FGF14: variants seen among roughly 807,000 people sequenced by gnomAD.
FGF14 encodes the protein fibroblast growth factor homologous factor 4.
A neutral mutation model predicts 25.5 loss-of-function variants in FGF14; 5 were observed. That is an observed-to-expected ratio of 0.20 (90% confidence interval 0.10 to 0.41). The LOEUF is 0.41. Among genes scored for constraint, FGF14 ranks in the 10% least tolerant of loss-of-function variants. The probability of loss-of-function intolerance (pLI) is 1.00; values close to 1 mark genes in which losing one functional copy is unlikely to be tolerated. For missense variants in FGF14, 222 were observed against 320.1 expected (o/e 0.69, Z 2.34); for synonymous variants, 138 against 118.3 (o/e 1.17, Z -1.08).
chr13:101,831,650 T>C (rs1423556072), intron 3 of FGF14, among the ~76,000 whole-genome samples: 1 of 152,130 alleles, frequency 6.6e-6, no homozygotes, highest in Non-Finnish European at 1.5e-5. Context: ...GAATTCATTA[T>C]TCACTCATTT....
chr13:102,394,929 C>G (rs970782223), intron 1 of FGF14: 11 of 152,548 alleles, frequency 7.2e-5, no homozygotes, highest in African/African-American at 2.4e-4. Flanking sequence ...GGGGCCTGGG[C>G]CCAGAGCCGT....
intron 3 of FGF14, among the ~76,000 whole-genome samples, chr13:101,779,645 C>T (rs1360271506): frequency 6.6e-6 from 1 of 152,138 alleles, no homozygotes; most frequent in African/African-American, 2.4e-5. Context: ...CATTTGCATA[C>T]ATCTAATCTG....
At chr13:102,300,695 C>A (rs923320956) in intron 1 of FGF14, among the ~76,000 whole-genome samples, 5 of 152,038 alleles carry the variant, frequency 3.3e-5, no homozygotes, top group Non-Finnish European at 7.4e-5. Flanking sequence ...TACCCATTAC[C>A]CAGTACCATA....
chr13:101,721,394 TAAATG>T lies in FGF14; in HGVS notation c.*1432_*1436del, dbSNP rs1245847495. ...ATTAAGAATGCAAAATAAAAGAAAATAAATGGAATGGACCAAAATCCTCATGGATG... is the reference window on the plus strand; with the variant it reads ...ATTAAGAATGCAAAATAAAAGAAAATGAATGGACCAAAATCCTCATGGATG... On this transcript the variant is annotated 3_prime_UTR_variant, in exon 5 of 5. Transcript: ENST00000376143. 2.0e-5 allele frequency: 3 copies of T among 151,712 alleles called. No individual in the cohort carries two copies. Among genetic ancestry groups the T allele is most frequent in the Non-Finnish European group, 2.9e-5 (2 of 67,942 alleles). 9.4% of individuals were successfully genotyped at this position (151,712 alleles called of 1,614,324 possible).
At chr13:102,123,442 A>C (rs12429565) in intron 1 of FGF14, among the ~76,000 whole-genome samples, 39,649 of 152,116 alleles carry the variant, frequency 0.26, 5,475 homozygotes, top group Middle Eastern at 0.43. Flanking sequence ...TGCTATAGAA[A>C]TTTAGGTAAC....
intron 1 of FGF14, among the ~76,000 whole-genome samples, chr13:102,084,588 G>A (rs140076432): frequency 1.4e-4 from 21 of 152,150 alleles, no homozygotes; most frequent in African/African-American, 5.1e-4. Context: ...AATTAAGGTC[G>A]GTTCTGGCAT....
intron 1 of FGF14, among the ~76,000 whole-genome samples, chr13:102,245,761 C>T (rs1027594858): frequency 2.0e-5 from 3 of 151,892 alleles, no homozygotes; most frequent in African/African-American, 4.8e-5. Flanking sequence ...CTATTACCCT[C>T]AAAAAACAGT....
intron 3 of FGF14, among the ~76,000 whole-genome samples, chr13:101,750,393 A>G (rs905456380): frequency 2.0e-5 from 3 of 152,200 alleles, no homozygotes; most frequent in Non-Finnish European, 4.4e-5. Flanking sequence ...TGAACTGACA[A>G]TAACCTTTAA....
At chr13:101,912,075 T>C (rs1486006593) in intron 1 of FGF14, among the ~76,000 whole-genome samples, 1 of 151,740 alleles carries the variant, frequency 6.6e-6, no homozygotes, top group Non-Finnish European at 1.5e-5. Context: ...TTTCCTTACA[T>C]AGCACCTTGT....
chr13:102,288,886 T>G (rs1407169185), intron 1 of FGF14, among the ~76,000 whole-genome samples: 2 of 152,018 alleles, frequency 1.3e-5, no homozygotes, highest in African/African-American at 4.8e-5. Context: ...CTCCTCACCC[T>G]CTTTTCTCAT....
At chr13:101,846,789 AG>A (rs966228760) in intron 3 of FGF14, among the ~76,000 whole-genome samples, 8 of 152,068 alleles carry the variant, frequency 5.3e-5, no homozygotes, top group Non-Finnish European at 1.2e-4. Context: ...TGGCTTTAAA[AG>A]TGTATGCGAA....
intron 1 of FGF14, among the ~76,000 whole-genome samples, chr13:102,071,501 TATTTTTTATAATCATCACATTAAG>T (rs1364583693): frequency 3.9e-5 from 6 of 152,230 alleles, no homozygotes; most frequent in African/African-American, 9.6e-5. Context: ...TCCCTCTTGG[TATTTTTTATAATCATCACATTAAG>T]ATTAAATAAC....
chr13:102,054,674 A>C (rs1408393059), intron 1 of FGF14, among the ~76,000 whole-genome samples: 4 of 152,162 alleles, frequency 2.6e-5, no homozygotes, highest in African/African-American at 9.7e-5. Context: ...TCAACTTTCT[A>C]CTATACATCG....
intron 1 of FGF14, among the ~76,000 whole-genome samples, chr13:102,186,427 G>A (rs2048877675): frequency 6.6e-6 from 1 of 152,062 alleles, no homozygotes; most frequent in African/African-American, 2.4e-5. Context: ...TAATCTGCCT[G>A]CCCTATCCTC....
intron 3 of FGF14, among the ~76,000 whole-genome samples, chr13:101,855,387 T>C (rs188177083): frequency 8.6e-4 from 131 of 152,140 alleles, no homozygotes; most frequent in African/African-American, 3.0e-3. Flanking sequence ...CTGACATCAA[T>C]AGAAAATGTA....
intron 1 of FGF14, among the ~76,000 whole-genome samples, chr13:102,313,735 T>G (rs2055885858): frequency 6.6e-6 from 1 of 152,172 alleles, no homozygotes; most frequent in South Asian, 2.1e-4. Flanking sequence ...TTGTTTGCAT[T>G]AAAGAAGGTT....
At chr13:101,926,488 T>G (rs1291933330) in intron 1 of FGF14, among the ~76,000 whole-genome samples, 1 of 152,170 alleles carries the variant, frequency 6.6e-6, no homozygotes, top group Non-Finnish European at 1.5e-5. Flanking sequence ...CTTTAATTAT[T>G]GCATCGCTCA....
chr13:102,086,316 A>C (rs185373078), intron 1 of FGF14, among the ~76,000 whole-genome samples: 9 of 152,226 alleles, frequency 5.9e-5, no homozygotes, highest in Admixed American at 1.3e-4. Flanking sequence ...GTCAGGAGAT[A>C]GAGACCATCC....
rs1475660266 is a variant in FGF14 at position 101,714,457 on chromosome 13, G to A, written c.*8374C>T. ...TTTCAGGTTCTTGTCATTGTGGGAA[G>A]TGCATTTGTTCTGCTGAAGAGTGGT... On this transcript the variant is annotated 3_prime_UTR_variant, in exon 5 of 5. Coordinates refer to ENST00000376143, the MANE Select transcript of FGF14 (RefSeq NM_004115.4). The A allele has an allele frequency of 6.2e-7, 1 of 1,607,902 alleles. No homozygotes were observed. The highest frequency in any genetic ancestry group is 8.5e-7 in the Non-Finnish European group (1 of 1,174,422).
Sources: allele counts gnomAD v4.1 joint callset (sites outside exome capture counted in the v4.1 genomes callset), GRCh38; gene constraint gnomAD v4.1.1; transcripts MANE v1.5; gene names NCBI Gene and HGNC (gene_info 2026-07-23, HGNC 2026-07-21).